ZNF100: variants seen among roughly 807,000 people sequenced by gnomAD.
ZNF100 encodes the protein zinc finger protein 100 (Y1).
In ZNF100, 12 loss-of-function variants were observed where a neutral mutation model predicts 15.8. That is an observed-to-expected ratio of 0.76 (90% CI 0.49 to 1.23). The LOEUF (loss-of-function observed/expected upper bound fraction) is 1.23. Ranked by LOEUF, ZNF100 falls within the 50% of genes most tolerant of loss-of-function variation. The probability of loss-of-function intolerance (pLI) is 0.00; values close to 1 mark genes in which losing one functional copy is unlikely to be tolerated. For missense variants in ZNF100, 670 were observed against 635.6 expected (o/e 1.05, Z -0.58); for synonymous variants, 226 against 214.8 (o/e 1.05, Z -0.45).
intron 2 of ZNF100, among the ~76,000 whole-genome samples, chr19:21,756,140 G>A (rs1179896232): frequency 6.6e-6 from 1 of 152,148 alleles, no homozygotes; most frequent in African/African-American, 2.4e-5. Context: ...TTCAATAGAT[G>A]CTAAAAAAGC....
At chr19:21,730,243 T>C (rs1446702117) in intron 4 of ZNF100, among the ~76,000 whole-genome samples, 1 of 151,170 alleles carries the variant, frequency 6.6e-6, no homozygotes, top group Non-Finnish European at 1.5e-5. Context: ...ATCTATTGAT[T>C]AAAAAAAAAC....
At chr19:21,728,940 T>C (rs188010863) in intron 4 of ZNF100, among the ~76,000 whole-genome samples, 1 of 151,338 alleles carries the variant, frequency 6.6e-6, no homozygotes, top group African/African-American at 2.4e-5. Context: ...AAAAAACAAA[T>C]TGTGGAGGTA....
rs147561465 is a variant in ZNF100, at chr19:21,751,328, G to C, written c.97-6261C>G. On this transcript the variant is annotated intron_variant, in intron 2 of 4. Coordinates refer to ENST00000358296, the MANE Select transcript of ZNF100 (RefSeq NM_173531.4). Reference sequence around the variant, plus strand: ...GAACAGAGATGCAAACAGATCCCTGGATATTTTTGATGAGAGATCACATCC... The same window carrying C: ...GAACAGAGATGCAAACAGATCCCTGCATATTTTTGATGAGAGATCACATCC... The C allele has an allele frequency of 4.1e-5, 36 of 873,496 alleles. No homozygotes were observed. The African/African-American group carries it at 5.4e-4, about 13-fold the overall frequency. 54.1% of individuals were successfully genotyped at this position (873,496 alleles called of 1,614,324 possible).
At position 21,727,995 on chromosome 19, in the gene ZNF100, A is replaced by G. The variant is rs747473557; in HGVS notation, c.323-6T>C. On this transcript the variant is annotated splice_region_variant and splice_polypyrimidine_tract_variant and intron_variant, in intron 4 of 4. Transcript: ENST00000358296. ...GGGAAAATGAGAACATATAACTGAA[A>G]GAAATAAAAATAACAAATTACTTTA... 1 of 1,492,546 alleles carries G rather than the reference A, an allele frequency of 6.7e-7. No individual in the cohort carries two copies. The highest frequency in any genetic ancestry group is 2.4e-5 in the Admixed American group (1 of 41,622). The allele number at this position is 1,492,546 out of a possible 1,614,324, so 92.5% of individuals were successfully genotyped here.
chr19:21,746,359 T>A (rs1294494594), intron 2 of ZNF100, among the ~76,000 whole-genome samples: 1 of 152,114 alleles, frequency 6.6e-6, no homozygotes, highest in Non-Finnish European at 1.5e-5. Context: ...CAGGTATCTC[T>A]CAATCTTTTT....
At chr19:21,738,659 G>C (rs2036053341) in intron 4 of ZNF100, among the ~76,000 whole-genome samples, 1 of 152,068 alleles carries the variant, frequency 6.6e-6, no homozygotes, top group Non-Finnish European at 1.5e-5. Flanking sequence ...CAAGTGTAAG[G>C]TGAAAAAGCC....
intron 4 of ZNF100, among the ~76,000 whole-genome samples, chr19:21,733,924 A>G (rs2035965724): frequency 6.6e-6 from 1 of 152,266 alleles, no homozygotes; most frequent in Non-Finnish European, 1.5e-5. Flanking sequence ...GGAGAAACCC[A>G]GGCAAATAGG....
chr19:21,750,528 G>C (rs1467163866), intron 2 of ZNF100: 1 of 152,772 alleles, frequency 6.5e-6, no homozygotes, highest in African/African-American at 2.4e-5. Context: ...TACCTGGGAT[G>C]CAAGGCTGGT....
In ZNF100 at chr19:21,724,754, A is replaced by T. The variant is rs1229294663; in HGVS notation, c.*1929T>A. 2 of 152,166 alleles carry T rather than the reference A, an allele frequency of 1.3e-5. No individual in the cohort carries two copies. The highest frequency in any genetic ancestry group is 2.4e-5 in the African/African-American group (1 of 41,436). 9.4% of individuals were successfully genotyped at this position (152,166 alleles called of 1,614,324 possible). On this transcript the variant is annotated 3_prime_UTR_variant, in exon 5 of 5. Coordinates refer to ENST00000358296, the MANE Select transcript of ZNF100 (RefSeq NM_173531.4). ...CAAATAATTAAGAAAAATAAATTTA[A>T]ATAAAATAAACATTTGGCTGGGCAC...
At chr19:21,752,782 C>G (rs973180936) in intron 2 of ZNF100, 3 of 152,172 alleles carry the variant, frequency 2.0e-5, no homozygotes, top group Non-Finnish European at 4.4e-5. Context: ...GGTACTGCAG[C>G]AGGAGTATAA....
chr19:21,766,220 C>T (rs1280513191), intron 1 of ZNF100, among the ~76,000 whole-genome samples: 1 of 152,018 alleles, frequency 6.6e-6, no homozygotes, highest in Non-Finnish European at 1.5e-5. Context: ...TTTGGGAACG[C>T]CAGAAGAAAT....
At position 21,726,378 on chromosome 19, in the gene ZNF100, G is replaced by A. The variant is rs1184193039; in HGVS notation, c.*305C>T. On this transcript the variant is annotated 3_prime_UTR_variant, in exon 5 of 5. Coordinates refer to ENST00000358296, the MANE Select transcript of ZNF100 (RefSeq NM_173531.4). Reference sequence around the variant, plus strand: ...TTCACACATGTAGAAGTTTTCTCCAGTATAACTTACCTTACCTACAATCAA... The same window carrying A: ...TTCACACATGTAGAAGTTTTCTCCAATATAACTTACCTTACCTACAATCAA... 1 of 314,600 alleles carries A rather than the reference G, an allele frequency of 3.2e-6. No homozygotes were observed. The highest frequency in any genetic ancestry group is 5.8e-6 in the Non-Finnish European group (1 of 172,034). The allele number at this position is 314,600 out of a possible 1,614,324, so 19.5% of individuals were successfully genotyped here.
At position 21,758,877 on chromosome 19, in the gene ZNF100, G is replaced by C. The variant is rs756531647; in HGVS notation, c.96+6817C>G. Among the ~76,000 whole-genome samples the C allele has an allele frequency of 2.6e-5, 4 of 152,184 alleles. No individual in the cohort carries two copies. In the East Asian group the frequency reaches 7.7e-4, roughly 29 times the overall value. On this transcript the variant is annotated intron_variant, in intron 2 of 4. Transcript: ENST00000358296. ...ATCTGGAATCACACGACAATGAAAG[G>C]CTTTGTTCTCCTTTAGACGAGAACA...
At position 21,725,448 on chromosome 19, in the gene ZNF100, ATAT is replaced by A. The variant is rs1260262363; in HGVS notation, c.*1232_*1234del. ...GAATGCCTAACGCACACATTGCTTAATATTATAAGTTAACCATAAAAGTCTCTT... is the reference window on the plus strand; with the variant it reads ...GAATGCCTAACGCACACATTGCTTAATATAAGTTAACCATAAAAGTCTCTT... On this transcript the variant is annotated 3_prime_UTR_variant, in exon 5 of 5. Transcript: ENST00000358296. The A allele has an allele frequency of 6.6e-6, 1 of 152,140 alleles. No individual in the cohort carries two copies. The highest frequency in any genetic ancestry group is 2.4e-5 in the African/African-American group (1 of 41,424). The allele number at this position is 152,140 out of a possible 1,614,324, so 9.4% of individuals were successfully genotyped here.
At chr19:21,755,935 G>A (rs2036386553) in intron 2 of ZNF100, among the ~76,000 whole-genome samples, 1 of 152,126 alleles carries the variant, frequency 6.6e-6, no homozygotes, top group African/African-American at 2.4e-5. Context: ...CTGTTGAGGG[G>A]TGAATGGTGA....
At chr19:21,743,965 T>C (rs2036166511) in intron 4 of ZNF100, 52 bp downstream of exon 4, 3 of 1,537,782 alleles carry the variant, frequency 2.0e-6, no homozygotes, top group African/African-American at 1.4e-5. Flanking sequence ...AGCTTTCTTT[T>C]TGACCTTTGG....
rs1401850467 is a variant in ZNF100 at position 21,725,080 on chromosome 19, T to A, written c.*1603A>T. 1 of 152,006 alleles carries A rather than the reference T, an allele frequency of 6.6e-6. No homozygotes were observed. Among genetic ancestry groups the A allele is most frequent in the Non-Finnish European group, 1.5e-5 (1 of 67,996 alleles). 9.4% of individuals were successfully genotyped at this position (152,006 alleles called of 1,614,324 possible). On this transcript the variant is annotated 3_prime_UTR_variant, in exon 5 of 5. Transcript: ENST00000358296. ...ATAAAATAAAATAAAAACAAAAATT[T>A]AACCTACAGAAATAATATTCTTTAA... is the stretch of plus-strand genomic sequence containing the variant.
chr19:21,749,184 C>A (rs560025222), intron 2 of ZNF100, among the ~76,000 whole-genome samples: 1 of 152,020 alleles, frequency 6.6e-6, no homozygotes, highest in South Asian at 2.1e-4. Flanking sequence ...ATTAGTTTAT[C>A]TTTTGAGTCA....
chr19:21,728,314 G>C (rs12982134), intron 4 of ZNF100, among the ~76,000 whole-genome samples: 1 of 151,916 alleles, frequency 6.6e-6, no homozygotes, highest in Non-Finnish European at 1.5e-5. Flanking sequence ...TTGCCAACTT[G>C]TTTTTAATGA....
Sources: gnomAD v4.1 joint callset for allele counts (sites outside exome capture counted in the v4.1 genomes callset) on GRCh38, gnomAD v4.1.1 for gene constraint, MANE v1.5 for transcripts, NCBI Gene and HGNC (gene_info 2026-07-23, HGNC 2026-07-21) for gene names.